Variants in SPAG16 observed in about 807,000 individuals in gnomAD.
SPAG16 encodes sperm-associated antigen 16 protein.
SPAG16 carries 86 observed loss-of-function variants against 80.4 expected under a neutral mutation model. The ratio of observed to expected loss-of-function variants is 1.07; its 90% CI spans 0.90 to 1.28. The LOEUF (loss-of-function observed/expected upper bound fraction) is 1.28, where lower values mean the gene tolerates loss of function less well. SPAG16 is among the 50% of genes most tolerant of loss of function. The pLI is 0.00. For missense variants in SPAG16, 870 were observed against 765.3 expected (o/e 1.14, Z -1.61); for synonymous variants, 294 against 265.9 (o/e 1.11, Z -1.03).
intron 10 of SPAG16, among the ~76,000 whole-genome samples, chr2:213,492,962 G>A (rs1028490325): frequency 1.1e-4 from 16 of 151,628 alleles, no homozygotes; most frequent in East Asian, 9.7e-4. Flanking sequence ...TCTCTCTCTC[G>A]TTTCTCCTTC....
At chr2:214,323,659 T>G (rs571310329) in intron 15 of SPAG16, among the ~76,000 whole-genome samples, 1 of 152,340 alleles carries the variant, frequency 6.6e-6, no homozygotes, top group East Asian at 1.9e-4. Context: ...TCTTTCCAAT[T>G]AAAGTTCTTT....
At chr2:214,380,763 G>A (rs1700402862) in intron 15 of SPAG16, among the ~76,000 whole-genome samples, 2 of 152,224 alleles carry the variant, frequency 1.3e-5, no homozygotes, top group South Asian at 4.1e-4. Flanking sequence ...AGCATGTCGG[G>A]CAGCAGCAGT....
intron 9 of SPAG16, among the ~76,000 whole-genome samples, chr2:213,379,606 A>G (rs1389676856): frequency 1.3e-5 from 2 of 152,190 alleles, no homozygotes; most frequent in East Asian, 1.9e-4. Flanking sequence ...GCAAACCCAT[A>G]TCCAGAGTAA....
intron 15 of SPAG16, among the ~76,000 whole-genome samples, chr2:214,165,468 CCTTTTTT>C: frequency 1.3e-5 from 1 of 77,960 alleles, no homozygotes; most frequent in African/African-American, 7.0e-5. Flanking sequence ...GCATCACCAT[CCTTTTTT>C]TTTTTTTTTT....
chr2:213,983,204 T>C (rs768600962), intron 12 of SPAG16, among the ~76,000 whole-genome samples: 1 of 151,996 alleles, frequency 6.6e-6, no homozygotes, highest in Non-Finnish European at 1.5e-5. Flanking sequence ...AAATATATGA[T>C]TGATAACATT....
At chr2:213,749,731 A>G (rs2067997335) in intron 10 of SPAG16, among the ~76,000 whole-genome samples, 1 of 152,206 alleles carries the variant, frequency 6.6e-6, no homozygotes, top group Non-Finnish European at 1.5e-5. Flanking sequence ...TATTCTTTTT[A>G]TAAGTTTGAT....
intron 6 of SPAG16, among the ~76,000 whole-genome samples, chr2:213,342,378 A>T (rs1380426962): frequency 2.0e-5 from 3 of 146,490 alleles, no homozygotes; most frequent in Middle Eastern, 4.0e-3. Flanking sequence ...TATATGTATT[A>T]TATATATATA....
chr2:214,343,128 A>G (rs1697817842), intron 15 of SPAG16, among the ~76,000 whole-genome samples: 1 of 152,160 alleles, frequency 6.6e-6, no homozygotes, highest in Non-Finnish European at 1.5e-5. Context: ...TATAATAACT[A>G]TTTTATTTAA....
intron 15 of SPAG16, among the ~76,000 whole-genome samples, chr2:214,341,545 G>A (rs1697696444): frequency 6.6e-6 from 1 of 152,106 alleles, no homozygotes; most frequent in Non-Finnish European, 1.5e-5. Context: ...TCAAAAAAAT[G>A]ACTTGCAAAG....
At chr2:213,684,409 G>T (rs1428420117) in intron 10 of SPAG16, among the ~76,000 whole-genome samples, 2 of 152,142 alleles carry the variant, frequency 1.3e-5, no homozygotes, top group African/African-American at 2.4e-5. Flanking sequence ...TTCAGTATTT[G>T]CTGCAACCAG....
intron 13 of SPAG16, among the ~76,000 whole-genome samples, chr2:214,106,422 A>G (rs1426116917): frequency 6.6e-6 from 1 of 152,162 alleles, no homozygotes; most frequent in Admixed American, 6.6e-5. Flanking sequence ...AGATTCTGAG[A>G]GAGTATCAAA....
At chr2:213,758,962 G>T (rs1354214901) in intron 10 of SPAG16, among the ~76,000 whole-genome samples, 1 of 152,214 alleles carries the variant, frequency 6.6e-6, no homozygotes, top group Non-Finnish European at 1.5e-5. Flanking sequence ...AAGATTATCA[G>T]TATATTTCTC....
intron 10 of SPAG16, among the ~76,000 whole-genome samples, chr2:213,617,730 A>G (rs1232190977): frequency 6.6e-6 from 1 of 152,072 alleles, no homozygotes; most frequent in Non-Finnish European, 1.5e-5. Flanking sequence ...GGAGGATCCC[A>G]TGGGCCTAGG....
At chr2:213,934,675 A>G (rs1474573933) in intron 12 of SPAG16, among the ~76,000 whole-genome samples, 1 of 152,206 alleles carries the variant, frequency 6.6e-6, no homozygotes, top group Non-Finnish European at 1.5e-5. Context: ...TTAGTTAAGT[A>G]TGTCTGCATC....
chr2:213,348,949 T>C (rs181779923), intron 6 of SPAG16, among the ~76,000 whole-genome samples: 23 of 152,266 alleles, frequency 1.5e-4, no homozygotes, highest in Admixed American at 1.0e-3. Flanking sequence ...GTCACTAAAA[T>C]AGATCGTATA....
intron 9 of SPAG16, among the ~76,000 whole-genome samples, chr2:213,471,688 C>T (rs906186190): frequency 6.6e-6 from 1 of 152,194 alleles, no homozygotes; most frequent in Non-Finnish European, 1.5e-5. Context: ...GGCAGAGCAG[C>T]TTGCACAGCA....
At chr2:214,309,950 T>C (rs570311361) in intron 15 of SPAG16, among the ~76,000 whole-genome samples, 31 of 152,296 alleles carry the variant, frequency 2.0e-4, no homozygotes, top group African/African-American at 7.0e-4. Context: ...GGTTTATTTT[T>C]TGTTGGTTTT....
chr2:213,406,928 C>A (rs140565903), intron 9 of SPAG16, among the ~76,000 whole-genome samples: 9 of 130,488 alleles, frequency 6.9e-5, no homozygotes, highest in East Asian at 4.3e-4. Context: ...CTCTCAGCGA[C>A]GCGGATTTAA....
At chr2:213,452,179 ATTTCTTTGAACTGCGTGAGG>A (rs1222747199) in intron 9 of SPAG16, among the ~76,000 whole-genome samples, 1 of 152,088 alleles carries the variant, frequency 6.6e-6, no homozygotes, top group Non-Finnish European at 1.5e-5. Flanking sequence ...AAGAGAGGTG[ATTTCTTTGAACTGCGTGAGG>A]TTAGAATGGG....
Sources: allele counts gnomAD v4.1 joint callset (sites outside exome capture counted in the v4.1 genomes callset), GRCh38; gene constraint gnomAD v4.1.1; transcripts MANE v1.5; gene names NCBI Gene and HGNC (gene_info 2026-07-23, HGNC 2026-07-21).